The following BICD2 variants were observed in gnomAD, a reference collection of about 807,000 sequenced individuals.
The protein encoded by BICD2 is BICD cargo adaptor 2, also known as protein bicaudal D homolog 2.
Under a neutral mutation model 72.9 loss-of-function variants are expected in BICD2, and 25 were observed. That is an observed-to-expected ratio of 0.34 (90% CI 0.25 to 0.48). The LOEUF (loss-of-function observed/expected upper bound fraction) is 0.48. BICD2 is among the 20% of genes least tolerant of loss of function. The pLI is 0.99. For missense variants in BICD2, 894 were observed against 1,175.2 expected (o/e 0.76, Z 3.50); for synonymous variants, 501 against 516.1 (o/e 0.97, Z 0.40).
At position 92,764,248 on chromosome 9, in the gene BICD2, C is replaced by G. The variant is rs1482920363; in HGVS notation, c.240+257G>C. 6.6e-6 allele frequency among the ~76,000 whole-genome samples: 1 copy of G among 152,160 alleles called. No homozygotes were observed. The highest frequency in any genetic ancestry group is 1.5e-5 in the Non-Finnish European group (1 of 67,998). On this transcript the variant is annotated intron_variant, in intron 1 of 6. Coordinates refer to ENST00000356884, the MANE Select transcript of BICD2 (RefSeq NM_001003800.2). This position sits in a 1 kb window ranked among gnomAD's most constrained non-coding sequence, Gnocchi z 5.5. ...CCCGCCGGGGCCGCCCAGGTCCGCA[C>G]AGAAGCAGGCGGGCAGCTGCAGGAG...
intron 1 of BICD2, among the ~76,000 whole-genome samples, chr9:92,762,168 T>G (rs963810751): frequency 3.3e-5 from 5 of 152,180 alleles, no homozygotes; most frequent in African/African-American, 2.4e-5. Context: ...TCTAAAGAAT[T>G]AAGGCGGTAC....
chr9:92,728,402 T>C (rs1212955478), intron 2 of BICD2, among the ~76,000 whole-genome samples: 2 of 152,334 alleles, frequency 1.3e-5, no homozygotes, highest in Middle Eastern at 3.4e-3. Context: ...CTGTGCCATG[T>C]ACCAATGGCT....
chr9:92,724,200 C>G (rs1853520617), intron 2 of BICD2, among the ~76,000 whole-genome samples: 1 of 152,198 alleles, frequency 6.6e-6, no homozygotes, highest in Non-Finnish European at 1.5e-5. Context: ...ATAGCTTCGC[C>G]CACCTCTCAC....
chr9:92,731,796 G>T (rs1404161196), intron 1 of BICD2, among the ~76,000 whole-genome samples: 1 of 152,194 alleles, frequency 6.6e-6, no homozygotes, highest in East Asian at 1.9e-4. Flanking sequence ...GGACCACTGA[G>T]GGGGCAGAGA....
At chr9:92,722,542 G>C in intron 3 of BICD2, 114 bp downstream of exon 3, 2 of 1,405,412 alleles carry the variant, frequency 1.4e-6, no homozygotes, top group Admixed American at 2.0e-5. Context: ...CCTGGGCCTC[G>C]GGTGTGTGGA....
At chr9:92,742,998 A>T (rs759927458) in intron 1 of BICD2, among the ~76,000 whole-genome samples, 44 of 152,204 alleles carry the variant, frequency 2.9e-4, no homozygotes, top group Non-Finnish European at 5.6e-4. Flanking sequence ...TTAGGCTATT[A>T]TAAGTGGAAC....
At chr9:92,753,343 A>G (rs1234916865) in intron 1 of BICD2, among the ~76,000 whole-genome samples, 1 of 152,216 alleles carries the variant, frequency 6.6e-6, no homozygotes, top group African/African-American at 2.4e-5. Context: ...TAAAGTATTC[A>G]TAATAATGCC....
intron 1 of BICD2, among the ~76,000 whole-genome samples, chr9:92,760,683 A>G (rs758621330): frequency 6.6e-6 from 1 of 152,124 alleles, no homozygotes; most frequent in Non-Finnish European, 1.5e-5. Context: ...CCTCTCCCCA[A>G]CTGTCAGACC....
intron 1 of BICD2, among the ~76,000 whole-genome samples, chr9:92,743,974 T>C (rs1434508320): frequency 6.6e-6 from 1 of 152,130 alleles, no homozygotes; most frequent in African/African-American, 2.4e-5. Flanking sequence ...CATAAATCAG[T>C]AACACATCAA....
chr9:92,722,844 C>A (rs1239920441), intron 2 of BICD2, 36 bp from the exon 3 acceptor site: 1 of 1,613,164 alleles, frequency 6.2e-7, no homozygotes, highest in Non-Finnish European at 8.5e-7. Context: ...TATGAGCAGC[C>A]TCCACAGGGC....
In BICD2 at chr9:92,718,747, A is replaced by G; in HGVS notation, c.1898T>C (p.Ile633Thr). The G allele has an allele frequency of 6.2e-7, 1 of 1,614,060 alleles. No homozygotes were observed. Among genetic ancestry groups the G allele is most frequent in the Non-Finnish European group, 8.5e-7 (1 of 1,180,000 alleles). Residue 633 changes from isoleucine (I) to threonine (T), a missense_variant, in exon 5 of 7, where the codon ATC becomes ACC. Transcript: ENST00000356884. ...CAGGTGCTTGATCTGGTCACGGATG[A>G]TAGCGATCAGGTTGTAGATGTTCAT... ...EPMNIYNLIAIIRDQIKHLQA... is the reference protein window; with the variant it reads ...EPMNIYNLIATIRDQIKHLQA...
chr9:92,754,748 T>C (rs891424797), intron 1 of BICD2, among the ~76,000 whole-genome samples: 5 of 152,268 alleles, frequency 3.3e-5, no homozygotes, highest in African/African-American at 1.2e-4. Context: ...GAAGATTTCA[T>C]GTACACTTAT....
chr9:92,731,828 C>T (rs1178029062), intron 1 of BICD2, among the ~76,000 whole-genome samples: 1 of 152,222 alleles, frequency 6.6e-6, no homozygotes, highest in Non-Finnish European at 1.5e-5. Flanking sequence ...ACCATTTATA[C>T]CAGCCAAAAA....
At chr9:92,756,149 C>T (rs1242019272) in intron 1 of BICD2, among the ~76,000 whole-genome samples, 1 of 152,140 alleles carries the variant, frequency 6.6e-6, no homozygotes, top group African/African-American at 2.4e-5. Flanking sequence ...CTCAGGTGGG[C>T]AGAGCTCCAC....
intron 6 of BICD2, 139 bp downstream of exon 6, chr9:92,717,658 T>C: frequency 1.7e-6 from 2 of 1,162,676 alleles, no homozygotes; most frequent in South Asian, 3.4e-5. Context: ...ATGCTGGCCC[T>C]GATGGAGCTG....
rs767906244 is a variant in BICD2 at position 92,718,505 on chromosome 9, A to T, written c.2106+34T>A. On this transcript the variant is annotated intron_variant, in intron 5 of 6. Coordinates refer to ENST00000356884, the MANE Select transcript of BICD2 (RefSeq NM_001003800.2). ...GGGGAAACACCCTTAGGCCAGTAGT[A>T]GGTGACATGTGCCCCTGCTGCCTGG... 7 of 1,581,270 alleles carry T rather than the reference A, an allele frequency of 4.4e-6. No individual in the cohort carries two copies. The Admixed American group carries it at 1.2e-4, about 27-fold the overall frequency.
chr9:92,718,088 CA>C, intron 5 of BICD2, 140 bp from the exon 6 acceptor site: 1 of 1,077,862 alleles, frequency 9.3e-7, no homozygotes, highest in East Asian at 2.4e-5. Flanking sequence ...CTCCCTGTGA[CA>C]AACCCTGGGG....
At chr9:92,758,855 A>G (rs1335781895) in intron 1 of BICD2, among the ~76,000 whole-genome samples, 1 of 129,856 alleles carries the variant, frequency 7.7e-6, no homozygotes, top group African/African-American at 3.8e-5. Flanking sequence ...ACTCCGTCTC[A>G]AAAAAAAAAA....
At position 92,761,479 on chromosome 9, in the gene BICD2, G is replaced by A. The variant is rs144164668; in HGVS notation, c.240+3026C>T. Among the ~76,000 whole-genome samples the A allele has an allele frequency of 2.0e-3, 312 of 152,342 alleles. 6 individuals are homozygous for A. The highest frequency in any genetic ancestry group is 7.0e-3 in the African/African-American group (291 of 41,572). On this transcript the variant is annotated intron_variant, in intron 1 of 6. Transcript: ENST00000356884. ...CCAAGGTGGCACACCAAGGCAGTGA[G>A]GGTGTCCAGACCTCCTCTCTGAGCC... is the stretch of plus-strand genomic sequence containing the variant.
Sources: gnomAD v4.1 joint callset for allele counts (sites outside exome capture counted in the v4.1 genomes callset) on GRCh38, gnomAD v4.1.1 for gene constraint, Gnocchi (gnomAD v3.1) non-coding constraint, MANE v1.5 for transcripts, NCBI Gene and HGNC (gene_info 2026-07-23, HGNC 2026-07-21) for gene names.